RIMS1: variants seen among roughly 807,000 people sequenced by gnomAD.
The protein encoded by RIMS1 is regulating synaptic membrane exocytosis protein 1.
In RIMS1, 83 loss-of-function variants were observed where a neutral mutation model predicts 214.1. The ratio of observed to expected loss-of-function variants is 0.39; its 90% CI spans 0.32 to 0.47. The LOEUF (loss-of-function observed/expected upper bound fraction) is 0.47. RIMS1 is among the 20% of genes least tolerant of loss of function. The pLI is 0.99. For synonymous variants in RIMS1, 793 were observed against 786.8 expected, an observed-to-expected ratio of 1.01 and a Z score of -0.13; for missense variants, 2,050 against 2,161.8, an observed-to-expected ratio of 0.95 and a Z score of 1.03.
chr6:71,916,972 A>T (rs1778616658), intron 1 of RIMS1, among the ~76,000 whole-genome samples: 1 of 152,146 alleles, frequency 6.6e-6, no homozygotes, highest in Non-Finnish European at 1.5e-5. Flanking sequence ...GCATTCTGGG[A>T]AGTAAATGTA....
chr6:71,988,913 T>G (rs1315006203), intron 2 of RIMS1, among the ~76,000 whole-genome samples: 1 of 152,208 alleles, frequency 6.6e-6, no homozygotes, highest in African/African-American at 2.4e-5. Flanking sequence ...CATATATACA[T>G]GCCTAAGTGG....
At chr6:72,309,221 T>C (rs2095390102) in intron 27 of RIMS1, among the ~76,000 whole-genome samples, 1 of 152,076 alleles carries the variant, frequency 6.6e-6, no homozygotes, top group Admixed American at 6.6e-5. Flanking sequence ...ATCGACAAAA[T>C]GAAGTACTCA....
chr6:72,132,059 A>G (rs1178537407), intron 4 of RIMS1, among the ~76,000 whole-genome samples: 3 of 152,098 alleles, frequency 2.0e-5, no homozygotes, highest in East Asian at 1.9e-4. Context: ...AGGTGCCAAG[A>G]TTTCATATTG....
At chr6:72,204,328 A>C (rs897568102) in intron 6 of RIMS1, among the ~76,000 whole-genome samples, 12 of 152,188 alleles carry the variant, frequency 7.9e-5, no homozygotes, top group African/African-American at 2.4e-5. Context: ...GCGGTGGTGA[A>C]ACTCCTGTAG....
intron 2 of RIMS1, among the ~76,000 whole-genome samples, chr6:72,080,803 A>C (rs992660496): frequency 2.6e-5 from 4 of 152,196 alleles, no homozygotes; most frequent in Admixed American, 1.3e-4. Context: ...GTCTTTGCTC[A>C]AATTTCACCT....
chr6:72,100,313 C>T (rs549659492), intron 4 of RIMS1, among the ~76,000 whole-genome samples: 1 of 152,120 alleles, frequency 6.6e-6, no homozygotes, highest in East Asian at 1.9e-4. Context: ...CTAATGGGCT[C>T]TACCTTTTTC....
Position 71,991,786 on chromosome 6 carries a change from G to A in RIMS1, c.245+22723G>A, listed in dbSNP as rs140381518. 2.3e-3 allele frequency among the ~76,000 whole-genome samples: 343 copies of A among 152,238 alleles called. 1 individual carries two copies. Among genetic ancestry groups the A allele is most frequent in the African/African-American group, 7.4e-3 (309 of 41,536 alleles). ...CCCTTAAAATTATATAAAATAGGCC[G>A]GGCCCAGTGGCTCACGCCTGCAATC... On this transcript the variant is annotated intron_variant, in intron 2 of 33. Transcript: ENST00000521978.
chr6:72,183,472 C>CA (rs1662242072), intron 6 of RIMS1, among the ~76,000 whole-genome samples: 1 of 149,332 alleles, frequency 6.7e-6, no homozygotes, highest in Admixed American at 6.7e-5. Context: ...CTGTGAAAAA[C>CA]AATTTGTTTG....
intron 6 of RIMS1, among the ~76,000 whole-genome samples, chr6:72,193,670 T>G (rs890460546): frequency 1.2e-4 from 18 of 152,354 alleles, no homozygotes; most frequent in Admixed American, 1.0e-3. Context: ...ATCTCCATTT[T>G]CTTATTAGCA....
rs1232087244 is a variant in RIMS1, at chr6:72,263,136, CAA to C, written c.3117-1837_3117-1836del. ...TTCACCAATAAGAGTTTTTGTGAGT[CAA>C]ATACATTTTGGAAACTTTGCAACTG... On this transcript the variant is annotated intron_variant, in intron 19 of 33. Coordinates refer to ENST00000521978, the MANE Select transcript of RIMS1 (RefSeq NM_014989.7). The C allele has an allele frequency of 4.1e-6, 4 of 984,378 alleles. No individual in the cohort carries two copies. In the East Asian group the frequency reaches 4.5e-4, roughly 112 times the overall value. 61.0% of individuals were successfully genotyped at this position (984,378 alleles called of 1,614,324 possible).
At chr6:72,262,791 T>C in intron 19 of RIMS1, 1 of 766,918 alleles carries the variant, frequency 1.3e-6, no homozygotes, top group Non-Finnish European at 1.6e-6. Context: ...GGCTAAAATC[T>C]AAAGCTTTCA....
At chr6:72,183,237 C>T in intron 6 of RIMS1, 88 bp downstream of exon 6, 1 of 1,352,072 alleles carries the variant, frequency 7.4e-7, no homozygotes, top group East Asian at 2.5e-5. Context: ...TTGCTGGGTT[C>T]AGCATTGAGG....
intron 24 of RIMS1, among the ~76,000 whole-genome samples, chr6:72,289,271 T>C (rs2092936275): frequency 6.6e-6 from 1 of 152,204 alleles, no homozygotes; most frequent in South Asian, 2.1e-4. Flanking sequence ...TGAAGTTTAT[T>C]GTCATGATAA....
chr6:71,910,271 A>G (rs139409375), intron 1 of RIMS1, among the ~76,000 whole-genome samples: 2 of 152,252 alleles, frequency 1.3e-5, no homozygotes, highest in East Asian at 3.9e-4. Context: ...TTAAAAATAT[A>G]TTATTTTAGG....
At chr6:72,161,129 C>A (rs1242917301) in intron 4 of RIMS1, among the ~76,000 whole-genome samples, 1 of 140,062 alleles carries the variant, frequency 7.1e-6, no homozygotes, top group East Asian at 2.0e-4. Flanking sequence ...GTGTATGTGT[C>A]AAGGAATTTA....
At chr6:71,985,453 T>C (rs1799663285) in intron 2 of RIMS1, among the ~76,000 whole-genome samples, 1 of 152,162 alleles carries the variant, frequency 6.6e-6, no homozygotes, top group Non-Finnish European at 1.5e-5. Flanking sequence ...ACTCACCAAC[T>C]TCCTAATTAT....
At chr6:72,348,490 T>C (rs183573301) in intron 29 of RIMS1, among the ~76,000 whole-genome samples, 19 of 152,052 alleles carry the variant, frequency 1.2e-4, no homozygotes, top group Non-Finnish European at 2.5e-4. Context: ...TGAACATTGC[T>C]CTCGATAGAT....
At position 72,150,006 on chromosome 6, in the gene RIMS1, G is replaced by T. The variant is rs556685944; in HGVS notation, c.472-29569G>T. 2.6e-5 allele frequency among the ~76,000 whole-genome samples: 4 copies of T among 152,262 alleles called. No individual in the cohort carries two copies. In the South Asian group the frequency reaches 8.3e-4, roughly 32 times the overall value. ...TTTTTCTGCATCCAAGAAGAATGAG[G>T]TTACACTGACAATCGAAAGGTGAGG... is the stretch of plus-strand genomic sequence containing the variant. On this transcript the variant is annotated intron_variant, in intron 4 of 33. Transcript: ENST00000521978.
chr6:72,393,459 T>G (rs1008276879), intron 31 of RIMS1, among the ~76,000 whole-genome samples: 1 of 152,176 alleles, frequency 6.6e-6, no homozygotes, highest in Admixed American at 6.5e-5. Flanking sequence ...GCGCTGTGGC[T>G]CACGCCTGTA....
Sources: allele counts gnomAD v4.1 joint callset (sites outside exome capture counted in the v4.1 genomes callset), GRCh38; gene constraint gnomAD v4.1.1; transcripts MANE v1.5; gene names NCBI Gene and HGNC (gene_info 2026-07-23, HGNC 2026-07-21).